RFTN2: variants seen among roughly 807,000 people sequenced by gnomAD.
RFTN2 encodes the protein raftlin-2.
A neutral mutation model predicts 52.7 loss-of-function variants in RFTN2; 34 were observed. The ratio of observed to expected loss-of-function variants is 0.64; its 90% CI spans 0.49 to 0.86. The LOEUF is 0.86. RFTN2 is among the 40% of genes least tolerant of loss of function. The pLI is 0.00. For missense variants in RFTN2, 536 were observed against 600.1 expected, an observed-to-expected ratio of 0.89 and a Z score of 1.12; for synonymous variants, 203 against 217.7, an observed-to-expected ratio of 0.93 and a Z score of 0.59.
intron 1 of RFTN2, among the ~76,000 whole-genome samples, chr2:197,658,507 GA>G (rs2088926763): frequency 6.7e-6 from 1 of 150,004 alleles, no homozygotes; most frequent in Non-Finnish European, 1.5e-5. Flanking sequence ...GGCTGGTCTT[GA>G]ACTCCTGGAC....
intron 3 of RFTN2, among the ~76,000 whole-genome samples, chr2:197,634,770 T>C (rs2088533968): frequency 6.6e-6 from 1 of 151,946 alleles, no homozygotes; most frequent in South Asian, 2.1e-4. Context: ...AGTTTTAGGG[T>C]ACATGTGCAC....
At chr2:197,621,027 T>C (rs181603813) in intron 5 of RFTN2, among the ~76,000 whole-genome samples, 2 of 152,134 alleles carry the variant, frequency 1.3e-5, no homozygotes, top group Admixed American at 1.3e-4. Flanking sequence ...TGAAGTTTAG[T>C]TTCCTAGTTC....
intron 8 of RFTN2, among the ~76,000 whole-genome samples, chr2:197,593,597 G>C (rs1202118942): frequency 6.6e-6 from 1 of 152,002 alleles, no homozygotes; most frequent in Non-Finnish European, 1.5e-5. Flanking sequence ...ATGTTAAAAA[G>C]AAAGAAAGAG....
chr2:197,630,029 A>G (rs2088442640), intron 5 of RFTN2, among the ~76,000 whole-genome samples: 1 of 152,166 alleles, frequency 6.6e-6, no homozygotes, highest in Non-Finnish European at 1.5e-5. Context: ...TGGCCTACTG[A>G]AAAATACTAA....
chr2:197,657,695 A>G (rs1356096465), intron 1 of RFTN2, among the ~76,000 whole-genome samples: 6 of 152,200 alleles, frequency 3.9e-5, no homozygotes, highest in African/African-American at 1.4e-4. Context: ...GGTTCACTCT[A>G]TAAGAAAGTT....
rs553965529 is a variant in RFTN2 at position 197,674,937 on chromosome 2, A to T, written c.139+383T>A. 2.0e-5 allele frequency among the ~76,000 whole-genome samples: 3 copies of T among 152,330 alleles called. No individual in the cohort carries two copies. In the East Asian group the frequency reaches 5.8e-4, roughly 29 times the overall value. On this transcript the variant is annotated intron_variant, in intron 1 of 8. Coordinates refer to ENST00000295049, the MANE Select transcript of RFTN2 (RefSeq NM_144629.3). ...ACTCTTCCACGATATGATGCAAGTA[A>T]TATTTACTACATAATACCTTATTGT... is the stretch of plus-strand genomic sequence containing the variant.
chr2:197,578,731 C>T (rs2087458623), intron 8 of RFTN2, among the ~76,000 whole-genome samples: 1 of 152,194 alleles, frequency 6.6e-6, no homozygotes, highest in African/African-American at 2.4e-5. Flanking sequence ...CTTTATTGCT[C>T]ACACAAAGCC....
chr2:197,605,680 T>C (rs912955645), intron 7 of RFTN2, among the ~76,000 whole-genome samples: 3 of 152,204 alleles, frequency 2.0e-5, no homozygotes, highest in Admixed American at 6.5e-5. Flanking sequence ...ATGCACATAG[T>C]AGACATCACT....
At chr2:197,671,505 CAG>C (rs896841183) in intron 1 of RFTN2, among the ~76,000 whole-genome samples, 3 of 152,206 alleles carry the variant, frequency 2.0e-5, no homozygotes, top group African/African-American at 7.2e-5. Context: ...GTGCTGGACA[CAG>C]GGTGTACAAA....
intron 1 of RFTN2, among the ~76,000 whole-genome samples, chr2:197,660,150 C>A (rs2088957749): frequency 6.6e-6 from 1 of 152,140 alleles, no homozygotes; most frequent in South Asian, 2.1e-4. Context: ...GCTCTAGTGC[C>A]TGCAGAGAAG....
chr2:197,640,987 G>A lies in RFTN2; in HGVS notation c.438+3171C>T, dbSNP rs539512356. On this transcript the variant is annotated intron_variant, in intron 3 of 8. Coordinates refer to ENST00000295049, the MANE Select transcript of RFTN2 (RefSeq NM_144629.3). Reference sequence around the variant, plus strand: ...ATTGCAGTGTTTTCTACTCATAGGTGCTCTATAAGTACTTGTTAAATTAGT... The same window carrying A: ...ATTGCAGTGTTTTCTACTCATAGGTACTCTATAAGTACTTGTTAAATTAGT... Among the ~76,000 whole-genome samples, 356 of 152,294 alleles carry A rather than the reference G, an allele frequency of 2.3e-3. 3 individuals are homozygous for A. Among genetic ancestry groups the A allele is most frequent in the Non-Finnish European group, 4.1e-3 (279 of 68,036 alleles).
At chr2:197,618,380 A>ACT (rs1286204289) in intron 5 of RFTN2, among the ~76,000 whole-genome samples, 1 of 151,894 alleles carries the variant, frequency 6.6e-6, no homozygotes, top group African/African-American at 2.4e-5. Context: ...AGTCTCGTTC[A>ACT]CTCAGTGCTC....
intron 8 of RFTN2, among the ~76,000 whole-genome samples, chr2:197,589,299 A>G: frequency 7.0e-6 from 1 of 143,312 alleles, no homozygotes; most frequent in Non-Finnish European, 1.5e-5. Context: ...TCCACCATCC[A>G]CGTAAGATGT....
chr2:197,666,688 A>G (rs1276234216), intron 1 of RFTN2, among the ~76,000 whole-genome samples: 1 of 152,146 alleles, frequency 6.6e-6, no homozygotes, highest in Non-Finnish European at 1.5e-5. Flanking sequence ...AATCTTGGGA[A>G]GTTTTCACCT....
intron 8 of RFTN2, among the ~76,000 whole-genome samples, chr2:197,594,381 G>A (rs1470462918): frequency 6.6e-6 from 1 of 152,052 alleles, no homozygotes; most frequent in Non-Finnish European, 1.5e-5. Context: ...AGGCTGGAAT[G>A]CAGTGGCATG....
At chr2:197,605,249 G>T (rs1262796544) in intron 7 of RFTN2, among the ~76,000 whole-genome samples, 2 of 151,004 alleles carry the variant, frequency 1.3e-5, no homozygotes, top group African/African-American at 4.9e-5. Flanking sequence ...GACGGAGTCT[G>T]GCTCTGTCTT....
intron 1 of RFTN2, among the ~76,000 whole-genome samples, chr2:197,652,170 G>A (rs1282210523): frequency 6.6e-6 from 1 of 152,164 alleles, no homozygotes. Flanking sequence ...ATGTGGCATG[G>A]CTGGACAACC....
intron 8 of RFTN2, among the ~76,000 whole-genome samples, chr2:197,594,631 C>T (rs1447670270): frequency 6.6e-6 from 1 of 152,180 alleles, no homozygotes; most frequent in Non-Finnish European, 1.5e-5. Flanking sequence ...TGTGCATGGC[C>T]TAGACAGAAT....
At chr2:197,591,248 T>G (rs543144600) in intron 8 of RFTN2, among the ~76,000 whole-genome samples, 1 of 152,024 alleles carries the variant, frequency 6.6e-6, no homozygotes, top group African/African-American at 2.4e-5. Flanking sequence ...AGATATAGAG[T>G]GCCGATTGGT....
Sources: gnomAD v4.1 joint callset for allele counts (sites outside exome capture counted in the v4.1 genomes callset) on GRCh38, gnomAD v4.1.1 for gene constraint, MANE v1.5 for transcripts, NCBI Gene and HGNC (gene_info 2026-07-23, HGNC 2026-07-21) for gene names.